ADCY8: variants seen among roughly 807,000 people sequenced by gnomAD.
The protein encoded by ADCY8 is adenylate cyclase 8.
A neutral mutation model predicts 119.7 loss-of-function variants in ADCY8; 51 were observed. The ratio of observed to expected loss-of-function variants is 0.43; its 90% CI spans 0.34 to 0.54. The LOEUF is 0.54. Among genes scored for constraint, ADCY8 ranks in the 20% least tolerant of loss-of-function variants. The probability of loss-of-function intolerance (pLI) is 0.03; values close to 1 mark genes in which losing one functional copy is unlikely to be tolerated. For synonymous variants in ADCY8, 665 were observed against 651.0 expected (o/e 1.02, Z -0.33); for missense variants, 1,383 against 1,598.8 (o/e 0.87, Z 2.30).
chr8:130,992,139 GTGTGA>G (rs1822598479), intron 1 of ADCY8, among the ~76,000 whole-genome samples: 2 of 150,604 alleles, frequency 1.3e-5, no homozygotes, highest in African/African-American at 4.9e-5. Context: ...GAGTGCAGTA[GTGTGA>G]TACTGGTTCA....
At chr8:130,794,967 T>G (rs1022708756) in intron 15 of ADCY8, among the ~76,000 whole-genome samples, 1 of 152,186 alleles carries the variant, frequency 6.6e-6, no homozygotes, top group Admixed American at 6.5e-5. Flanking sequence ...CTCACATCTG[T>G]AATCCCAGCA....
At chr8:130,982,640 G>GGTCAATACT (rs1166153396) in intron 2 of ADCY8, among the ~76,000 whole-genome samples, 20 of 152,062 alleles carry the variant, frequency 1.3e-4, no homozygotes. Context: ...CAAGCATCTA[G>GGTCAATACT]GTCAATACTG....
Position 131,003,241 on chromosome 8 carries a change from A to C in ADCY8, c.961-12699T>G, listed in dbSNP as rs897306888. Among the ~76,000 whole-genome samples the C allele has an allele frequency of 8.4e-4, 74 of 88,128 alleles. No individual in the cohort carries two copies. The East Asian group carries it at 0.013, about 16-fold the overall frequency. The allele number at this position is 88,128 out of a possible 152,430, so 57.8% of individuals were successfully genotyped here. A position where few individuals can be genotyped will look rare whatever the true frequency, so the allele number is the denominator to read the frequency against. ...ACACACACACACACACACACACACA[A>C]ACATTAAGGAAGAAGTAAAAATGTT... On this transcript the variant is annotated intron_variant, in intron 1 of 17. Coordinates refer to ENST00000286355, the MANE Select transcript of ADCY8 (RefSeq NM_001115.3).
chr8:130,857,964 G>A (rs1019265962), intron 9 of ADCY8, among the ~76,000 whole-genome samples: 1 of 152,078 alleles, frequency 6.6e-6, no homozygotes, highest in Non-Finnish European at 1.5e-5. Flanking sequence ...TATTTGCTGG[G>A]TTTTGATAAG....
At chr8:130,934,923 A>AT (rs1200563488) in intron 5 of ADCY8, among the ~76,000 whole-genome samples, 3 of 152,220 alleles carry the variant, frequency 2.0e-5, no homozygotes, top group South Asian at 2.1e-4. Flanking sequence ...TCCCGATTCC[A>AT]TTTTTTTGGC....
intron 5 of ADCY8, among the ~76,000 whole-genome samples, chr8:130,936,073 A>ATGTGTGTGTGTGTGTGTGTGTG (rs35028784): frequency 2.7e-5 from 4 of 147,068 alleles, no homozygotes; most frequent in African/African-American, 1.0e-4. Context: ...AAGCACTGAC[A>ATGTGTGTGTGTGTGTGTGTGTG]TGTGTGTGTG....
rs1404322151 is a variant in ADCY8, at chr8:130,849,782, C to T, written c.2232G>A (p.Gln744=). ...AGTGCAGCATAATCAGAATGGAGAA[C>T]TGGATGGTCATTGGCATCACTCTGC... The part of the protein sequence containing the change: ...PSSRVMPMTI[Q]FSILIMLHSA... Residue 744 remains glutamine, a synonymous_variant, in exon 10 of 18, where the codon CAG becomes CAA. Transcript: ENST00000286355. 6.2e-7 allele frequency: 1 copy of T among 1,613,066 alleles called. No homozygotes were observed. The highest frequency in any genetic ancestry group is 1.7e-5 in the Admixed American group (1 of 59,938).
rs571469955 is a variant in ADCY8, at chr8:130,922,846, G to A, written c.1482-12980C>T. ...CTAATAAAGATGAACATGATTCAGA[G>A]CCTTTGCTATGTCACTTACAAGCTG... is the stretch of plus-strand genomic sequence containing the variant. On this transcript the variant is annotated intron_variant, in intron 5 of 17. Coordinates refer to ENST00000286355, the MANE Select transcript of ADCY8 (RefSeq NM_001115.3). Among the ~76,000 whole-genome samples, 3 of 152,302 alleles carry A rather than the reference G, an allele frequency of 2.0e-5. No homozygotes were observed. The East Asian group carries it at 5.8e-4, about 29-fold the overall frequency.
chr8:130,981,721 G>A (rs913910034), intron 2 of ADCY8, among the ~76,000 whole-genome samples: 7 of 152,172 alleles, frequency 4.6e-5, no homozygotes, highest in Non-Finnish European at 7.3e-5. Context: ...ATTGCTTGTG[G>A]ATGCCAAATT....
intron 1 of ADCY8, among the ~76,000 whole-genome samples, chr8:131,009,436 C>A (rs1333864420): frequency 6.6e-6 from 1 of 152,126 alleles, no homozygotes; most frequent in East Asian, 1.9e-4. Flanking sequence ...GTGAGTGAGT[C>A]CTCAGGACAT....
intron 8 of ADCY8, among the ~76,000 whole-genome samples, chr8:130,870,017 T>TC (rs34238082): frequency 0.18 from 18,878 of 104,418 alleles, 1,640 homozygotes; most frequent in South Asian, 0.47. Context: ...TCTTTCTTCT[T>TC]CTTTTTTTTT....
intron 11 of ADCY8, among the ~76,000 whole-genome samples, chr8:130,845,220 G>C (rs1324172677): frequency 6.6e-6 from 1 of 152,088 alleles, no homozygotes; most frequent in East Asian, 1.9e-4. Flanking sequence ...GAGTGCTGTG[G>C]TCTTGTGTTT....
intron 7 of ADCY8, among the ~76,000 whole-genome samples, chr8:130,888,257 G>A (rs1819063459): frequency 6.6e-6 from 1 of 151,558 alleles, no homozygotes; most frequent in Non-Finnish European, 1.5e-5. Context: ...TTCAATGTAT[G>A]ATTGAAGTAT....
chr8:130,794,535 G>A (rs1815521368), intron 15 of ADCY8, among the ~76,000 whole-genome samples: 1 of 152,162 alleles, frequency 6.6e-6, no homozygotes, highest in East Asian at 1.9e-4. Context: ...GAGCCACGAC[G>A]GCCAGCCTCT....
At chr8:130,785,672 G>A (rs1291570169) in intron 15 of ADCY8, among the ~76,000 whole-genome samples, 197 bp from the exon 16 acceptor site, 1 of 152,236 alleles carries the variant, frequency 6.6e-6, no homozygotes, top group African/African-American at 2.4e-5. Flanking sequence ...GGTCAGGAGT[G>A]GAGATGGGTG....
At chr8:130,969,177 G>A (rs1249757188) in intron 2 of ADCY8, among the ~76,000 whole-genome samples, 3 of 152,128 alleles carry the variant, frequency 2.0e-5, no homozygotes, top group African/African-American at 7.2e-5. Context: ...GAGGAAAGCA[G>A]ATTGTCCTTC....
chr8:130,939,509 A>G (rs886850355), intron 4 of ADCY8, among the ~76,000 whole-genome samples: 3 of 152,176 alleles, frequency 2.0e-5, no homozygotes, highest in African/African-American at 7.2e-5. Context: ...GCCTGGTACC[A>G]TCAAAATCAG....
At chr8:130,878,754 G>A (rs1024049895) in intron 8 of ADCY8, among the ~76,000 whole-genome samples, 2 of 152,088 alleles carry the variant, frequency 1.3e-5, no homozygotes, top group Admixed American at 6.6e-5. Context: ...ACATAAATTT[G>A]TCACAAGGAC....
intron 1 of ADCY8, among the ~76,000 whole-genome samples, chr8:131,003,458 A>G (rs1459569696): frequency 6.6e-6 from 1 of 152,234 alleles, no homozygotes; most frequent in Non-Finnish European, 1.5e-5. Context: ...CAAAACAAGT[A>G]GCCATAATTA....
Sources: allele counts gnomAD v4.1 joint callset (sites outside exome capture counted in the v4.1 genomes callset), GRCh38; gene constraint gnomAD v4.1.1; transcripts MANE v1.5; gene names NCBI Gene and HGNC (gene_info 2026-07-23, HGNC 2026-07-21).